RPGRIP1L: variants seen among roughly 807,000 people sequenced by gnomAD.
RPGRIP1L encodes the protein protein fantom.
A neutral mutation model predicts 160.4 loss-of-function variants in RPGRIP1L; 131 were observed. The ratio of observed to expected loss-of-function variants is 0.82; its 90% CI spans 0.71 to 0.94. The LOEUF is 0.94. Ranked by LOEUF, RPGRIP1L falls within the 40% of genes least tolerant of loss-of-function variation. The probability of loss-of-function intolerance (pLI) is 0.00; values close to 1 mark genes in which losing one functional copy is unlikely to be tolerated. For synonymous variants in RPGRIP1L, 510 were observed against 515.8 expected (o/e 0.99, Z 0.15); for missense variants, 1,522 against 1,535.8 (o/e 0.99, Z 0.15).
intron 9 of RPGRIP1L, among the ~76,000 whole-genome samples, chr16:53,670,802 T>C (rs781135923): frequency 8.5e-5 from 13 of 152,064 alleles, no homozygotes; most frequent in Non-Finnish European, 1.3e-4. Flanking sequence ...TTTATACATT[T>C]AAAAGGTATG....
intron 25 of RPGRIP1L, among the ~76,000 whole-genome samples, chr16:53,606,135 G>A (rs1250174334): frequency 6.6e-6 from 1 of 152,202 alleles, no homozygotes; most frequent in East Asian, 1.9e-4. Flanking sequence ...TTAGATAAAT[G>A]TTGTAACTCT....
At chr16:53,696,698 A>C (rs1452103147) in intron 2 of RPGRIP1L, among the ~76,000 whole-genome samples, 1 of 152,194 alleles carries the variant, frequency 6.6e-6, no homozygotes, top group South Asian at 2.1e-4. Context: ...ACATAATATA[A>C]CTAAGATATT....
intron 9 of RPGRIP1L, among the ~76,000 whole-genome samples, chr16:53,669,742 T>C (rs1325581234): frequency 1.3e-5 from 2 of 152,166 alleles, no homozygotes; most frequent in Non-Finnish European, 2.9e-5. Context: ...TGAAGACATA[T>C]GTAAATCAGT....
rs1450913416 is a variant in RPGRIP1L, at chr16:53,599,772, TCAAA to T, written c.*2300_*2303del. The T allele has an allele frequency of 6.6e-6, 1 of 152,138 alleles. No homozygotes were observed. The highest frequency in any genetic ancestry group is 1.5e-5 in the Non-Finnish European group (1 of 68,020). The allele number at this position is 152,138 out of a possible 1,614,324, so 9.4% of individuals were successfully genotyped here. A position where few individuals can be genotyped will look rare whatever the true frequency, so the allele number is the denominator to read the frequency against. ...CCACAAGATAAAACAAACAAAATTC[TCAAA>T]CAGATTATGAAACCCAACTGAAGTA... On this transcript the variant is annotated 3_prime_UTR_variant, in exon 27 of 27. Transcript: ENST00000647211.
intron 9 of RPGRIP1L, among the ~76,000 whole-genome samples, chr16:53,670,083 T>A (rs917122177): frequency 6.6e-5 from 10 of 152,156 alleles, no homozygotes; most frequent in African/African-American, 2.4e-4. Context: ...GAACCTACTG[T>A]TGGTAACCCT....
chr16:53,672,025 C>G (rs574556975), intron 8 of RPGRIP1L, among the ~76,000 whole-genome samples: 6 of 152,036 alleles, frequency 3.9e-5, no homozygotes, highest in Non-Finnish European at 5.9e-5. Context: ...TTGTTAATCA[C>G]AATTTACTCT....
intron 23 of RPGRIP1L, among the ~76,000 whole-genome samples, 189 bp downstream of exon 23, chr16:53,622,022 CAAAAAAAA>C (rs36057385): frequency 8.3e-5 from 2 of 24,132 alleles, no homozygotes; most frequent in African/African-American, 3.0e-4. Context: ...GACTCCGTCT[CAAAAAAAA>C]AAAAAAAAAA....
At chr16:53,691,095 CA>C (rs1423084507) in intron 4 of RPGRIP1L, among the ~76,000 whole-genome samples, 2 of 150,790 alleles carry the variant, frequency 1.3e-5, no homozygotes. Flanking sequence ...CCTTTCTGTT[CA>C]TAGTGGTTTT....
chr16:53,672,745 A>T, intron 8 of RPGRIP1L, 125 bp downstream of exon 8: 1 of 848,868 alleles, frequency 1.2e-6, no homozygotes, highest in East Asian at 2.7e-5. Flanking sequence ...GCTGTGCTCA[A>T]AACACCATGT....
At chr16:53,677,427 A>G (rs1205609999) in intron 6 of RPGRIP1L, among the ~76,000 whole-genome samples, 1 of 152,120 alleles carries the variant, frequency 6.6e-6, no homozygotes, top group Non-Finnish European at 1.5e-5. Flanking sequence ...GGACTTTATT[A>G]TTATGACTTT....
intron 15 of RPGRIP1L, among the ~76,000 whole-genome samples, chr16:53,650,406 T>C (rs895982300): frequency 1.3e-5 from 2 of 152,148 alleles, no homozygotes; most frequent in Admixed American, 6.6e-5. Context: ...ATTAATGTAA[T>C]ATATATTTGC....
intron 21 of RPGRIP1L, among the ~76,000 whole-genome samples, 194 bp from the exon 22 acceptor site, chr16:53,636,706 A>G (rs1239523980): frequency 1.3e-5 from 2 of 152,160 alleles, no homozygotes; most frequent in Non-Finnish European, 2.9e-5. Context: ...AAAAATTTCA[A>G]GGTTAATTTT....
Position 53,610,965 on chromosome 16 carries a change from A to G in RPGRIP1L, c.3701+2T>C, listed in dbSNP as rs1299459694. 1 of 1,599,548 alleles carries G rather than the reference A, an allele frequency of 6.3e-7. No individual in the cohort carries two copies. The highest frequency in any genetic ancestry group is 8.6e-7 in the Non-Finnish European group (1 of 1,166,824). On this transcript the variant is annotated splice_donor_variant, in intron 25 of 26. Transcript: ENST00000647211. LOFTEE classifies it high-confidence loss of function. ...TAGATTATTTGGACTGCCAAAACAT[A>G]CCTTCTATTAGGCATCTCTTGTTTT...
chr16:53,635,351 C>T (rs1336530996), intron 22 of RPGRIP1L: 1 of 152,052 alleles, frequency 6.6e-6, no homozygotes, highest in Non-Finnish European at 1.5e-5. Flanking sequence ...AAACTTTGGA[C>T]AGATAAAATG....
chr16:53,602,867 T>C (rs1253796392), intron 26 of RPGRIP1L, among the ~76,000 whole-genome samples: 1 of 152,202 alleles, frequency 6.6e-6, no homozygotes, highest in Non-Finnish European at 1.5e-5. Context: ...GGCAAACCAC[T>C]GTACAGATGT....
At chr16:53,616,253 G>A (rs977998592) in intron 24 of RPGRIP1L, among the ~76,000 whole-genome samples, 2 of 152,162 alleles carry the variant, frequency 1.3e-5, no homozygotes, top group African/African-American at 4.8e-5. Context: ...TTGACCTTCT[G>A]TATCAGGTAA....
intron 10 of RPGRIP1L, among the ~76,000 whole-genome samples, chr16:53,663,640 T>C (rs970128958): frequency 6.6e-6 from 1 of 152,002 alleles, no homozygotes; most frequent in Non-Finnish European, 1.5e-5. Flanking sequence ...CATGAAAACT[T>C]AAAAAAATCC....
Position 53,657,477 on chromosome 16 carries a change from T to C in RPGRIP1L, c.1557A>G (p.Gln519=), listed in dbSNP as rs751773110. The C allele has an allele frequency of 6.2e-7, 1 of 1,611,384 alleles. No individual in the cohort carries two copies. ...LEKTRNMLIM[Q]HKINKDYQME... ...CCTGATAATCTTTATTAATTTTGTG[T>C]TGCATAATTAGCATGTTTCTTGTCT... The change falls in exon 13 of 27, where the codon CAA becomes CAG. Residue 519 remains glutamine (Q), a synonymous_variant. Transcript: ENST00000647211.
intron 21 of RPGRIP1L, 97 bp from the exon 22 acceptor site, chr16:53,636,609 C>A: frequency 1.2e-6 from 1 of 803,820 alleles, no homozygotes; most frequent in Admixed American, 2.1e-5. Context: ...CATAAGATAA[C>A]CTTAAGAAAC....
Sources: gnomAD v4.1 joint callset for allele counts (sites outside exome capture counted in the v4.1 genomes callset) on GRCh38, gnomAD v4.1.1 for gene constraint, MANE v1.5 for transcripts, NCBI Gene and HGNC (gene_info 2026-07-23, HGNC 2026-07-21) for gene names.